CDH12: variants seen among roughly 807,000 people sequenced by gnomAD.
CDH12 encodes the protein cadherin-12.
Under a neutral mutation model 74.1 loss-of-function variants are expected in CDH12, and 41 were observed. The ratio of observed to expected loss-of-function variants is 0.55; its 90% confidence interval spans 0.43 to 0.72. CDH12 has a LOEUF of 0.72. CDH12 is among the 30% of genes least tolerant of loss of function. CDH12 has a pLI of 0.00. For missense variants in CDH12, 945 were observed against 977.2 expected (o/e 0.97, Z 0.44); for synonymous variants, 399 against 355.0 (o/e 1.12, Z -1.39).
At chr5:21,957,028 C>T (rs2150106691) in intron 6 of CDH12, among the ~76,000 whole-genome samples, 1 of 152,010 alleles carries the variant, frequency 6.6e-6, no homozygotes, top group South Asian at 2.1e-4. Context: ...GTACCAAGTA[C>T]TCAACAATTA....
intron 4 of CDH12, among the ~76,000 whole-genome samples, chr5:22,108,135 A>G (rs1744596369): frequency 6.6e-6 from 1 of 152,196 alleles, no homozygotes. Flanking sequence ...AGGAGGAGAT[A>G]ACTGAATCAT....
intron 6 of CDH12, among the ~76,000 whole-genome samples, chr5:21,858,509 AT>A (rs1420334607): frequency 1.3e-5 from 2 of 151,952 alleles, no homozygotes; most frequent in Admixed American, 1.3e-4. Flanking sequence ...TGGTCAGACA[AT>A]ACATTTGAGA....
chr5:22,241,555 G>A (rs1211630304), intron 3 of CDH12, among the ~76,000 whole-genome samples: 1 of 151,832 alleles, frequency 6.6e-6, no homozygotes, highest in Non-Finnish European at 1.5e-5. Context: ...TAGTGTTTTT[G>A]AAGTGTATTT....
At chr5:22,257,103 A>C (rs117985124) in intron 3 of CDH12, among the ~76,000 whole-genome samples, 6 of 152,192 alleles carry the variant, frequency 3.9e-5, no homozygotes, top group Non-Finnish European at 7.3e-5. Flanking sequence ...GTTCTCACTT[A>C]TAAGTAGGAG....
intron 4 of CDH12, among the ~76,000 whole-genome samples, chr5:22,186,875 A>T (rs1372149604): frequency 6.6e-6 from 1 of 152,342 alleles, no homozygotes; most frequent in East Asian, 1.9e-4. Flanking sequence ...GGAGTAAAAT[A>T]GCAAAACATG....
intron 6 of CDH12, among the ~76,000 whole-genome samples, chr5:21,959,489 G>C (rs1756250177): frequency 6.6e-6 from 1 of 152,112 alleles, no homozygotes; most frequent in East Asian, 1.9e-4. Context: ...TCTCACATGT[G>C]ATGACACCCA....
chr5:22,025,776 TTTA>T (rs1738306474), intron 5 of CDH12, among the ~76,000 whole-genome samples: 1 of 152,168 alleles, frequency 6.6e-6, no homozygotes, highest in Non-Finnish European at 1.5e-5. Context: ...TTCTAAATTC[TTTA>T]TTGTCATTTC....
intron 1 of CDH12, among the ~76,000 whole-genome samples, chr5:22,668,446 A>C (rs1490305952): frequency 6.6e-6 from 1 of 152,190 alleles, no homozygotes; most frequent in East Asian, 1.9e-4. Context: ...AAACTGGATA[A>C]AGAAAAGGAA....
At chr5:22,564,264 T>C (rs543692049) in intron 1 of CDH12, among the ~76,000 whole-genome samples, 109 of 152,354 alleles carry the variant, frequency 7.2e-4, no homozygotes, top group Middle Eastern at 3.4e-3. Context: ...TGAAACTATT[T>C]TGGAGTTCTA....
chr5:22,615,912 G>C (rs930561270), intron 1 of CDH12, among the ~76,000 whole-genome samples: 5 of 152,024 alleles, frequency 3.3e-5, no homozygotes, highest in African/African-American at 1.2e-4. Flanking sequence ...AAGGATTAAT[G>C]GAGAACCAAA....
At chr5:21,991,565 T>C (rs1757756682) in intron 5 of CDH12, among the ~76,000 whole-genome samples, 1 of 146,550 alleles carries the variant, frequency 6.8e-6, no homozygotes, top group Admixed American at 6.9e-5. Flanking sequence ...AACATTTATA[T>C]ATATGTATAT....
At chr5:22,658,498 A>G (rs767995862) in intron 1 of CDH12, among the ~76,000 whole-genome samples, 41 of 152,110 alleles carry the variant, frequency 2.7e-4, no homozygotes, top group Non-Finnish European at 5.4e-4. Context: ...GTCTGACTAA[A>G]AGGGAGCTTG....
intron 4 of CDH12, among the ~76,000 whole-genome samples, chr5:22,144,349 A>G (rs1419167106): frequency 6.6e-6 from 1 of 152,156 alleles, no homozygotes; most frequent in Non-Finnish European, 1.5e-5. Flanking sequence ...ACTTTATCCA[A>G]CTAATACTTG....
At chr5:22,110,948 G>C (rs886571943) in intron 4 of CDH12, among the ~76,000 whole-genome samples, 3 of 152,146 alleles carry the variant, frequency 2.0e-5, no homozygotes, top group Non-Finnish European at 4.4e-5. Context: ...CAAGAGAGAG[G>C]TTGGTCATAT....
intron 3 of CDH12, among the ~76,000 whole-genome samples, chr5:22,262,761 G>A (rs1200957965): frequency 7.9e-5 from 12 of 151,272 alleles, no homozygotes; most frequent in African/African-American, 1.9e-4. Flanking sequence ...GTTTCTCCAC[G>A]TCCTCTCCAG....
chr5:22,355,022 A>G lies in CDH12; in HGVS notation c.-333+50235T>C, dbSNP rs143040873. Among the ~76,000 whole-genome samples the G allele has an allele frequency of 9.8e-3, 1,496 of 152,216 alleles. 26 individuals are homozygous for G. The highest frequency in any genetic ancestry group is 0.033 in the African/African-American group (1,362 of 41,544). On this transcript the variant is annotated intron_variant, in intron 3 of 14. Coordinates refer to ENST00000382254, the MANE Select transcript of CDH12 (RefSeq NM_004061.5). ...CTCACACCTTAGCCTTCTCAGGATA[A>G]TTGCCTATATTAAACCCACAAAGCA...
intron 6 of CDH12, among the ~76,000 whole-genome samples, chr5:21,880,848 G>A (rs1260618333): frequency 6.6e-6 from 1 of 151,626 alleles, no homozygotes; most frequent in Non-Finnish European, 1.5e-5. Context: ...ATGGAGTCAG[G>A]GTTTATCAAT....
chr5:22,188,756 T>C (rs138971414), intron 4 of CDH12, among the ~76,000 whole-genome samples: 205 of 152,310 alleles, frequency 1.3e-3, no homozygotes, highest in African/African-American at 4.5e-3. Context: ...AGAAGCAAGA[T>C]TGGCAAGCAT....
rs770942528 is a variant in CDH12 at position 22,820,179 on chromosome 5, G to T, written c.-523+32879C>A. ...GACCAAAAAATTAAAAATGAAAAAG[G>T]TTAAAAATAATTGGAGTTCCAGAAA... On this transcript the variant is annotated intron_variant, in intron 1 of 14. Coordinates refer to ENST00000382254, the MANE Select transcript of CDH12 (RefSeq NM_004061.5). Among the ~76,000 whole-genome samples, 4 of 151,644 alleles carry T rather than the reference G, an allele frequency of 2.6e-5. No individual in the cohort carries two copies. The East Asian group carries it at 7.8e-4, about 29-fold the overall frequency.
Sources: gnomAD v4.1 joint callset for allele counts (sites outside exome capture counted in the v4.1 genomes callset) on GRCh38, gnomAD v4.1.1 for gene constraint, MANE v1.5 for transcripts, NCBI Gene and HGNC (gene_info 2026-07-23, HGNC 2026-07-21) for gene names.